ADARB2: variants seen among roughly 807,000 people sequenced by gnomAD.
ADARB2 encodes the protein inactive double-stranded RNA-specific editase B2.
In ADARB2, 25 loss-of-function variants were observed where a neutral mutation model predicts 62.2. The observed-to-expected ratio is 0.40, with a 90% CI of 0.29 to 0.56. The LOEUF (loss-of-function observed/expected upper bound fraction) is 0.56, where lower values mean the gene tolerates loss of function less well. ADARB2 is among the 20% of genes least tolerant of loss of function. ADARB2 has a pLI of 0.43. For synonymous variants in ADARB2, 572 were observed against 500.8 expected, an observed-to-expected ratio of 1.14 and a Z score of -1.90; for missense variants, 1,071 against 1,077.4, an observed-to-expected ratio of 0.99 and a Z score of 0.08.
chr10:1,385,352 C>T (rs527533347), intron 1 of ADARB2, among the ~76,000 whole-genome samples: 6 of 151,718 alleles, frequency 4.0e-5, no homozygotes, highest in Admixed American at 6.6e-5. Context: ...CAGATAAGGA[C>T]ATTAAATAGA....
intron 1 of ADARB2, among the ~76,000 whole-genome samples, chr10:1,518,679 A>C (rs559695321): frequency 5.4e-4 from 81 of 149,232 alleles, no homozygotes; most frequent in Non-Finnish European, 7.7e-4. Flanking sequence ...TTCCGTGTAA[A>C]GTCTGTACAC....
intron 1 of ADARB2, among the ~76,000 whole-genome samples, chr10:1,518,517 T>C (rs1181405548): frequency 6.6e-6 from 1 of 152,244 alleles, no homozygotes; most frequent in East Asian, 1.9e-4. Flanking sequence ...CCATGTAACA[T>C]CTGCATGTAG....
At position 1,573,584 on chromosome 10, in the gene ADARB2, G is replaced by C. The variant is rs546991643; in HGVS notation, c.100+163467C>G. Among the ~76,000 whole-genome samples the C allele has an allele frequency of 2.0e-5, 3 of 152,140 alleles. No homozygotes were observed. In the East Asian group the frequency reaches 5.8e-4, roughly 29 times the overall value. On this transcript the variant is annotated intron_variant, in intron 1 of 9. Transcript: ENST00000381312. The stretch of plus-strand genomic sequence containing the variant: ...ATAAAATGGATCATGCAGTGGCCAC[G>C]GCGGCCTCCCCCTTCCCCTCCCAGG...
At position 1,374,412 on chromosome 10, in the gene ADARB2, T is replaced by A. The variant is rs377380583; in HGVS notation, c.187+4662A>T. ...GTTTGATACGGTGTCCGGAATGTGG[T>A]GCTAAGTCTAAAGTTTTAACGCATT... On this transcript the variant is annotated intron_variant, in intron 2 of 9. Coordinates refer to ENST00000381312, the MANE Select transcript of ADARB2 (RefSeq NM_018702.4). Among the ~76,000 whole-genome samples, 3 of 152,156 alleles carry A rather than the reference T, an allele frequency of 2.0e-5. No individual in the cohort carries two copies. The East Asian group carries it at 5.8e-4, about 29-fold the overall frequency.
Position 1,305,027 on chromosome 10 carries a change from C to T in ADARB2, c.1078-33958G>A, listed in dbSNP as rs1287088539. ...CAGAAGGCAAGAAATAACAAGCTAGCAGAAGGCAAGAAATAACTAAAATCA... is the reference window on the plus strand; with the variant it reads ...CAGAAGGCAAGAAATAACAAGCTAGTAGAAGGCAAGAAATAACTAAAATCA... On this transcript the variant is annotated intron_variant, in intron 3 of 9. Transcript: ENST00000381312. Among the ~76,000 whole-genome samples the T allele has an allele frequency of 5.5e-5, 5 of 90,712 alleles. 1 individual carries two copies. The highest frequency in any genetic ancestry group is 1.0e-4 in the Non-Finnish European group (4 of 38,244). The allele number at this position is 90,712 out of a possible 152,430, so 59.5% of individuals were successfully genotyped here. A position where few individuals can be genotyped will look rare whatever the true frequency, so the allele number is the denominator to read the frequency against.
At chr10:1,457,716 C>T (rs75493556) in intron 1 of ADARB2, among the ~76,000 whole-genome samples, 2,894 of 152,226 alleles carry the variant, frequency 0.019, 69 homozygotes, top group African/African-American at 0.058. Context: ...CTGCTCACAA[C>T]GAAATTCCTG....
intron 4 of ADARB2, 115 bp from the exon 5 acceptor site, chr10:1,242,414 A>G: frequency 1.5e-6 from 2 of 1,341,534 alleles, no homozygotes; most frequent in South Asian, 1.5e-5. Context: ...CCTTGGAAAC[A>G]CTGCGTTTTG....
intron 1 of ADARB2, among the ~76,000 whole-genome samples, chr10:1,473,084 C>G (rs1461624125): frequency 6.6e-6 from 1 of 152,162 alleles, no homozygotes; most frequent in Non-Finnish European, 1.5e-5. Flanking sequence ...ACGTGGGGCC[C>G]TGGAAGCATG....
chr10:1,241,356 C>T (rs1453514773), intron 5 of ADARB2, among the ~76,000 whole-genome samples: 1 of 152,192 alleles, frequency 6.6e-6, no homozygotes, highest in Non-Finnish European at 1.5e-5. Context: ...GGCTTTTGCA[C>T]AGCTAATGGG....
At chr10:1,631,669 G>C (rs561676915) in intron 1 of ADARB2, among the ~76,000 whole-genome samples, 1 of 152,268 alleles carries the variant, frequency 6.6e-6, no homozygotes, top group African/African-American at 2.4e-5. Context: ...TGGAGATCTT[G>C]GGTAAAGGAC....
chr10:1,551,118 T>C (rs1192712431), intron 1 of ADARB2, among the ~76,000 whole-genome samples: 3 of 152,090 alleles, frequency 2.0e-5, no homozygotes, highest in Non-Finnish European at 4.4e-5. Flanking sequence ...CTGCCTGGTG[T>C]CCTTATAAGA....
chr10:1,268,027 C>T (rs907604581), intron 4 of ADARB2, among the ~76,000 whole-genome samples: 1 of 152,148 alleles, frequency 6.6e-6, no homozygotes, highest in African/African-American at 2.4e-5. Context: ...GGCTGCCACC[C>T]TCAACGCACA....
chr10:1,314,490 A>C (rs1013830872), intron 3 of ADARB2, among the ~76,000 whole-genome samples: 4 of 150,926 alleles, frequency 2.7e-5, no homozygotes, highest in Non-Finnish European at 4.4e-5. Context: ...TCCTTCCCAC[A>C]TCGGCCCTTC....
chr10:1,249,616 G>GCACACACA (rs58472524), intron 4 of ADARB2, among the ~76,000 whole-genome samples: 199 of 147,450 alleles, frequency 1.3e-3, no homozygotes, highest in African/African-American at 4.2e-3. Flanking sequence ...GTGATTTTAT[G>GCACACACA]CACACACACA....
rs1269241992 is a variant in ADARB2 at position 1,295,607 on chromosome 10, G to A, written c.1078-24538C>T. ...ACGTGTGCGCCTCTGTTTCTTCAAT[G>A]ACCTCTCTTGATACGATTTTGGATC... On this transcript the variant is annotated intron_variant, in intron 3 of 9. Coordinates refer to ENST00000381312, the MANE Select transcript of ADARB2 (RefSeq NM_018702.4). 2.6e-5 allele frequency among the ~76,000 whole-genome samples: 4 copies of A among 151,258 alleles called. No homozygotes were observed. In the East Asian group the frequency reaches 7.7e-4, roughly 29 times the overall value.
At chr10:1,207,912 G>A (rs1158048288) in intron 7 of ADARB2, among the ~76,000 whole-genome samples, 2 of 152,198 alleles carry the variant, frequency 1.3e-5, no homozygotes, top group African/African-American at 2.4e-5. Context: ...GGAGCCTGGG[G>A]TTTGGCTGTT....
At chr10:1,449,216 T>A (rs1831009415) in intron 1 of ADARB2, among the ~76,000 whole-genome samples, 1 of 152,170 alleles carries the variant, frequency 6.6e-6, no homozygotes, top group Admixed American at 6.5e-5. Context: ...CAACTGTCAC[T>A]TTCCCACATT....
intron 4 of ADARB2, among the ~76,000 whole-genome samples, chr10:1,260,623 A>C (rs1173033328): frequency 1.1e-4 from 17 of 152,118 alleles, no homozygotes; most frequent in Middle Eastern, 3.4e-3. Flanking sequence ...TCAAGGAGAA[A>C]TACAAACCAC....
chr10:1,533,113 C>T (rs1319027619), intron 1 of ADARB2, among the ~76,000 whole-genome samples: 3 of 102,934 alleles, frequency 2.9e-5, no homozygotes, highest in African/African-American at 6.7e-5. Flanking sequence ...CTAGTGTAAA[C>T]ATCACCTTTT....
Sources: allele counts gnomAD v4.1 joint callset (sites outside exome capture counted in the v4.1 genomes callset), GRCh38; gene constraint gnomAD v4.1.1; transcripts MANE v1.5; gene names NCBI Gene and HGNC (gene_info 2026-07-23, HGNC 2026-07-21).